HECTD4: variants seen among roughly 807,000 people sequenced by gnomAD.
HECTD4 encodes the protein probable E3 ubiquitin-protein ligase HECTD4.
Under a neutral mutation model 471.5 loss-of-function variants are expected in HECTD4, and 114 were observed. The observed-to-expected ratio is 0.24, with a 90% CI of 0.21 to 0.28. The LOEUF is 0.28. Ranked by LOEUF, HECTD4 falls within the 10% of genes least tolerant of loss-of-function variation. HECTD4 has a pLI of 1.00. For missense variants in HECTD4, 3,866 were observed against 5,651.5 expected (o/e 0.68, Z 10.13); for synonymous variants, 2,012 against 2,256.0 (o/e 0.89, Z 3.07).
chr12:112,313,917 T>C (rs1288500752), intron 3 of HECTD4, among the ~76,000 whole-genome samples: 2 of 152,222 alleles, frequency 1.3e-5, no homozygotes, highest in Non-Finnish European at 2.9e-5. Context: ...TTAGGAAGCA[T>C]ATGTACCAAA....
chr12:112,197,880 T>A (rs1169995882), intron 55 of HECTD4, among the ~76,000 whole-genome samples: 2 of 152,212 alleles, frequency 1.3e-5, no homozygotes, highest in African/African-American at 4.8e-5. Context: ...CTACAATGTG[T>A]GTCAGGGCCT....
At chr12:112,211,553 C>T (rs924635451) in intron 49 of HECTD4, among the ~76,000 whole-genome samples, 5 of 150,320 alleles carry the variant, frequency 3.3e-5, no homozygotes, top group South Asian at 2.1e-4. Flanking sequence ...AAAGATAAGA[C>T]GTGAACGGGC....
In HECTD4 at chr12:112,243,397, C is replaced by T. The variant is rs1416971159; in HGVS notation, c.4914G>A (p.Thr1638=). Residue 1638 remains threonine, a synonymous_variant, in exon 32 of 76, where the codon ACG becomes ACA. Coordinates refer to ENST00000682272, the MANE Select transcript of HECTD4 (RefSeq NM_001388303.1). This position sits in a 1 kb window ranked among gnomAD's most constrained non-coding sequence, Gnocchi z 6.6. ...CCATCGTCACTGGACCCACAAGATG[C>T]GTCACTCCCCCGACTCGTACGGCAG... ...LTAAVRVGGV[T]HLVGPVTMVL... 5 of 1,612,526 alleles carry T rather than the reference C, an allele frequency of 3.1e-6. No homozygotes were observed. The highest frequency in any genetic ancestry group is 2.2e-5 in the East Asian group (1 of 44,848).
At chr12:112,192,477 C>T in intron 59 of HECTD4, 83 bp downstream of exon 59, 1 of 1,127,352 alleles carries the variant, frequency 8.9e-7, no homozygotes, top group Non-Finnish European at 1.2e-6. Context: ...ATGCAAGGTA[C>T]AAAATTCATT....
chr12:112,202,057 G>T (rs894324381), intron 54 of HECTD4, among the ~76,000 whole-genome samples: 1 of 152,130 alleles, frequency 6.6e-6, no homozygotes, highest in African/African-American at 2.4e-5. Flanking sequence ...ATCAGAGTCA[G>T]AAGTTTGCAT....
At chr12:112,300,239 G>A (rs2035134916) in intron 7 of HECTD4, among the ~76,000 whole-genome samples, 1 of 151,150 alleles carries the variant, frequency 6.6e-6, no homozygotes, top group African/African-American at 2.4e-5. Context: ...AGCCTGGGAG[G>A]TGGAGGTTGC....
chr12:112,371,623 G>C (rs944742618), intron 1 of HECTD4, among the ~76,000 whole-genome samples: 1 of 151,012 alleles, frequency 6.6e-6, no homozygotes, highest in East Asian at 2.0e-4. Flanking sequence ...ACAGTGGCTT[G>C]TACCTGTAAT....
chr12:112,369,581 G>A (rs1423010008), intron 1 of HECTD4, among the ~76,000 whole-genome samples: 1 of 152,032 alleles, frequency 6.6e-6, no homozygotes, highest in Non-Finnish European at 1.5e-5. Flanking sequence ...CTGACCTCAA[G>A]TGATCCACCT....
chr12:112,183,723 C>T (rs921141741), intron 61 of HECTD4, among the ~76,000 whole-genome samples: 2 of 152,194 alleles, frequency 1.3e-5, no homozygotes, highest in South Asian at 2.1e-4. Flanking sequence ...GATTTCTAAA[C>T]GGCGAGGCCT....
At chr12:112,192,842 CA>C in intron 58 of HECTD4, 77 bp from the exon 59 acceptor site, 3 of 1,330,118 alleles carry the variant, frequency 2.3e-6, no homozygotes, top group Non-Finnish European at 3.1e-6. Flanking sequence ...GCCTTCTCAC[CA>C]GGGGACGTTA....
chr12:112,286,003 C>G (rs1221189870), intron 7 of HECTD4, among the ~76,000 whole-genome samples: 1 of 152,074 alleles, frequency 6.6e-6, no homozygotes, highest in East Asian at 1.9e-4. Flanking sequence ...CAATCTGGCC[C>G]TATGAGAAAA....
chr12:112,196,999 T>C (rs2032265590), intron 55 of HECTD4, among the ~76,000 whole-genome samples: 1 of 151,864 alleles, frequency 6.6e-6, no homozygotes, highest in Non-Finnish European at 1.5e-5. Context: ...CCTTACCATG[T>C]CGGCTAGGCT....
At chr12:112,250,045 A>C (rs1420789344) in intron 25 of HECTD4, 99 bp downstream of exon 25, 1 of 840,164 alleles carries the variant, frequency 1.2e-6, no homozygotes, top group Non-Finnish European at 1.9e-6. Context: ...ACATAAAATT[A>C]AAGTTTCATT....
At chr12:112,242,449 C>T (rs1370673661) in intron 32 of HECTD4, among the ~76,000 whole-genome samples, 2 of 151,578 alleles carry the variant, frequency 1.3e-5, no homozygotes, top group East Asian at 2.0e-4. Context: ...CCCATCTCTA[C>T]AAAAAATAAA....
intron 2 of HECTD4, among the ~76,000 whole-genome samples, chr12:112,314,945 A>G (rs2035448363): frequency 5.3e-5 from 8 of 152,240 alleles, no homozygotes; most frequent in Admixed American, 5.2e-4. Context: ...ATCTTTGCTA[A>G]GTTCATTCAT....
intron 1 of HECTD4, among the ~76,000 whole-genome samples, chr12:112,348,768 A>G (rs1010621813): frequency 6.6e-6 from 1 of 152,174 alleles, no homozygotes; most frequent in African/African-American, 2.4e-5. Flanking sequence ...AAAAAAGTGT[A>G]TATTAGCAAG....
At chr12:112,215,238 G>A (rs943549874) in intron 48 of HECTD4, among the ~76,000 whole-genome samples, 1 of 152,098 alleles carries the variant, frequency 6.6e-6, no homozygotes, top group Non-Finnish European at 1.5e-5. Context: ...GCCCCCTTAA[G>A]GACAAGTGAT....
At chr12:112,215,210 A>T (rs2032882407) in intron 48 of HECTD4, among the ~76,000 whole-genome samples, 1 of 152,120 alleles carries the variant, frequency 6.6e-6, no homozygotes, top group Non-Finnish European at 1.5e-5. Context: ...TCCCAGGAAA[A>T]GTGTAATTTA....
intron 7 of HECTD4, among the ~76,000 whole-genome samples, chr12:112,303,585 C>T (rs182152370): frequency 1.2e-4 from 18 of 152,278 alleles, no homozygotes; most frequent in Non-Finnish European, 2.5e-4. Context: ...TGTGGTGGCT[C>T]AGGCCTGTTA....
Sources: gnomAD v4.1 joint callset for allele counts (sites outside exome capture counted in the v4.1 genomes callset) on GRCh38, gnomAD v4.1.1 for gene constraint, Gnocchi (gnomAD v3.1) non-coding constraint, MANE v1.5 for transcripts, NCBI Gene and HGNC (gene_info 2026-07-23, HGNC 2026-07-21) for gene names.